Variants in FSTL4 observed in about 807,000 individuals in gnomAD.
FSTL4 encodes follistatin-related protein 4.
FSTL4 carries 28 observed loss-of-function variants against 78.2 expected under a neutral mutation model. The ratio of observed to expected loss-of-function variants is 0.36; its 90% CI spans 0.27 to 0.49. The LOEUF (loss-of-function observed/expected upper bound fraction) is 0.49. Ranked by LOEUF, FSTL4 falls within the 20% of genes least tolerant of loss-of-function variation. The pLI, the probability that FSTL4 is intolerant of heterozygous loss-of-function variation, is 0.98. For synonymous variants in FSTL4, 422 were observed against 440.5 expected, an observed-to-expected ratio of 0.96 and a Z score of 0.53; for missense variants, 922 against 1,084.9, an observed-to-expected ratio of 0.85 and a Z score of 2.11.
At chr5:133,758,105 C>T in the FSTL4 span, among the ~76,000 whole-genome samples, 3 of 152,268 alleles carry the variant, frequency 2.0e-5, no homozygotes, top group Middle Eastern at 3.4e-3. Flanking sequence ...ACTTATGGGA[C>T]GTACTTACCA....
chr5:133,573,029 G>A (rs1760193889), intron 2 of FSTL4, among the ~76,000 whole-genome samples: 1 of 152,108 alleles, frequency 6.6e-6, no homozygotes. Flanking sequence ...TGGATCACGA[G>A]GTCAGGAGAT....
chr5:133,313,110 A>G (rs548605458), intron 5 of FSTL4, among the ~76,000 whole-genome samples: 2 of 152,318 alleles, frequency 1.3e-5, no homozygotes, highest in South Asian at 2.1e-4. Flanking sequence ...GCTGTGTGCT[A>G]TAGATGGGGA....
chr5:133,601,432 G>A (rs1256419156), intron 2 of FSTL4, among the ~76,000 whole-genome samples: 1 of 152,190 alleles, frequency 6.6e-6, no homozygotes, highest in Non-Finnish European at 1.5e-5. Flanking sequence ...GACCAAGAGT[G>A]GTCAAAGAAG....
the FSTL4 span, among the ~76,000 whole-genome samples, chr5:133,760,291 T>C: frequency 6.6e-6 from 1 of 152,160 alleles, no homozygotes; most frequent in African/African-American, 2.4e-5. Flanking sequence ...GGGCTCCTGC[T>C]CTTCCAGTCT....
chr5:133,552,656 G>A lies in FSTL4; in HGVS notation c.160+14530C>T, dbSNP rs566809697. Among the ~76,000 whole-genome samples, 3 of 152,252 alleles carry A rather than the reference G, an allele frequency of 2.0e-5. No individual in the cohort carries two copies. The East Asian group carries it at 5.8e-4, about 29-fold the overall frequency. ...TGGCTGCAGGCTGAATCTGGCCCACGAGCCACCAGTTTGAGACCTGTCATA... is the reference window on the plus strand; with the variant it reads ...TGGCTGCAGGCTGAATCTGGCCCACAAGCCACCAGTTTGAGACCTGTCATA... On this transcript the variant is annotated intron_variant, in intron 3 of 15. Coordinates refer to ENST00000265342, the MANE Select transcript of FSTL4 (RefSeq NM_015082.2).
intron 3 of FSTL4, among the ~76,000 whole-genome samples, chr5:133,501,895 T>G (rs1758505586): frequency 6.6e-6 from 1 of 151,988 alleles, no homozygotes; most frequent in African/African-American, 2.4e-5. Context: ...ACTGTCCTTA[T>G]AAGAAGTGAT....
chr5:133,729,226 AACACAC>A, the FSTL4 span, among the ~76,000 whole-genome samples: 6,743 of 148,358 alleles, frequency 0.045, 538 homozygotes, highest in African/African-American at 0.16. Context: ...GATTTATGAA[AACACAC>A]ACACACACAC....
the FSTL4 span, among the ~76,000 whole-genome samples, chr5:133,683,096 C>T: frequency 6.8e-6 from 1 of 146,050 alleles, no homozygotes; most frequent in Non-Finnish European, 1.5e-5. Context: ...CATATTTTCC[C>T]GAGTATTTTC....
intron 6 of FSTL4, among the ~76,000 whole-genome samples, chr5:133,286,808 T>G (rs765064967): frequency 4.6e-5 from 7 of 152,212 alleles, no homozygotes; most frequent in Non-Finnish European, 1.0e-4. Context: ...TGTTTTTACT[T>G]TAAGTGTCTG....
chr5:133,432,432 C>T (rs576378108), intron 3 of FSTL4, among the ~76,000 whole-genome samples: 3 of 152,196 alleles, frequency 2.0e-5, no homozygotes, highest in African/African-American at 7.2e-5. Flanking sequence ...ATGCACTGCA[C>T]GAGAGATTTG....
rs534839056 is a variant in FSTL4 at position 133,577,692 on chromosome 5, C to T, written c.127-10473G>A. On this transcript the variant is annotated intron_variant, in intron 2 of 15. Transcript: ENST00000265342. ...AAGAATGTGCAAGTCTCCTTTGAGC[C>T]CACGAGTTCGAGACCAGCCTGGGCA... Among the ~76,000 whole-genome samples, 19 of 152,216 alleles carry T rather than the reference C, an allele frequency of 1.2e-4. No homozygotes were observed. The South Asian group carries it at 3.9e-3, about 31-fold the overall frequency.
chr5:133,426,420 C>T lies in FSTL4; in HGVS notation c.161-25434G>A, dbSNP rs891297572. On this transcript the variant is annotated intron_variant, in intron 3 of 15. Coordinates refer to ENST00000265342, the MANE Select transcript of FSTL4 (RefSeq NM_015082.2). The surrounding 1 kb of genome is among the most constrained non-coding windows in gnomAD (Gnocchi z 5.0). ...ATGGGGGTTCTGGGCAGATGAATAG[C>T]GCTGCCCTGCCCCCTCCGCACTCCC... is the stretch of plus-strand genomic sequence containing the variant. Among the ~76,000 whole-genome samples, 7 of 152,116 alleles carry T rather than the reference C, an allele frequency of 4.6e-5. No homozygotes were observed. Among genetic ancestry groups the T allele is most frequent in the Admixed American group, 2.0e-4 (3 of 15,274 alleles).
chr5:133,273,826 GCCTCTCACTCCA>G (rs1752820552), intron 6 of FSTL4, among the ~76,000 whole-genome samples: 1 of 152,114 alleles, frequency 6.6e-6, no homozygotes, highest in Non-Finnish European at 1.5e-5. Flanking sequence ...GTCCATATCC[GCCTCTCACTCCA>G]CCGTCCTTCC....
At chr5:133,809,312 G>A in the FSTL4 span, among the ~76,000 whole-genome samples, 6 of 150,196 alleles carry the variant, frequency 4.0e-5, no homozygotes, top group Non-Finnish European at 7.4e-5. Context: ...GGTGCAGTGG[G>A]CAGAGATCGC....
chr5:133,776,995 A>ACC, the FSTL4 span, among the ~76,000 whole-genome samples: 1 of 152,022 alleles, frequency 6.6e-6, no homozygotes, highest in African/African-American at 2.4e-5. Context: ...CTAAGATAGT[A>ACC]CCTCAGCTTC....
At chr5:133,835,518 T>G in the FSTL4 span, among the ~76,000 whole-genome samples, 19 of 152,212 alleles carry the variant, frequency 1.2e-4, no homozygotes, top group Admixed American at 3.3e-4. Context: ...TATGTAACAC[T>G]TGGATGTAGC....
chr5:133,498,718 C>CAAA lies in FSTL4; in HGVS notation c.160+68465_160+68467dup, dbSNP rs112128780. On this transcript the variant is annotated intron_variant, in intron 3 of 15. Coordinates refer to ENST00000265342, the MANE Select transcript of FSTL4 (RefSeq NM_015082.2). Reference sequence around the variant, plus strand: ...AGGTGACAGAGTGAGACTCAGTCTCCAAAAAAAAAAAAAGGATCATGCCTT... The same window carrying CAAA: ...AGGTGACAGAGTGAGACTCAGTCTCCAAAAAAAAAAAAAAAAGGATCATGCCTT... 1.2e-4 allele frequency among the ~76,000 whole-genome samples: 15 copies of CAAA among 127,058 alleles called. 1 individual carries two copies. Among genetic ancestry groups the CAAA allele is most frequent in the African/African-American group, 4.1e-4 (14 of 33,870 alleles). 83.4% of individuals were successfully genotyped at this position (127,058 alleles called of 152,430 possible). A position where few individuals can be genotyped will look rare whatever the true frequency, so the allele number is the denominator to read the frequency against.
At chr5:133,235,667 A>G (rs535739998) in intron 7 of FSTL4, among the ~76,000 whole-genome samples, 13 of 152,212 alleles carry the variant, frequency 8.5e-5, no homozygotes, top group Non-Finnish European at 1.8e-4. Flanking sequence ...CTCTCAAAGA[A>G]GTAAAATGTT....
chr5:133,263,861 G>A (rs1752589185), intron 6 of FSTL4, among the ~76,000 whole-genome samples: 2 of 152,162 alleles, frequency 1.3e-5, no homozygotes, highest in African/African-American at 2.4e-5. Context: ...GCAGGGGCAC[G>A]GAGCCTGAGT....
Sources: gnomAD v4.1 joint callset for allele counts (sites outside exome capture counted in the v4.1 genomes callset) on GRCh38, gnomAD v4.1.1 for gene constraint, Gnocchi (gnomAD v3.1) non-coding constraint, MANE v1.5 for transcripts, NCBI Gene and HGNC (gene_info 2026-07-23, HGNC 2026-07-21) for gene names.